TBL1X: variants seen among roughly 807,000 people sequenced by gnomAD.
TBL1X encodes transducin beta like 1 X-linked.
A neutral mutation model predicts 50.7 loss-of-function variants in TBL1X; 10 were observed. The ratio of observed to expected loss-of-function variants is 0.20; its 90% confidence interval spans 0.12 to 0.33. The LOEUF (loss-of-function observed/expected upper bound fraction) is 0.33. Among genes scored for constraint, TBL1X ranks in the 10% least tolerant of loss-of-function variants. The probability of loss-of-function intolerance (pLI) is 1.00; values close to 1 mark genes in which losing one functional copy is unlikely to be tolerated. For missense variants in TBL1X, 340 were observed against 504.4 expected (o/e 0.67, Z 3.12); for synonymous variants, 190 against 214.7 (o/e 0.88, Z 1.01).
intron 2 of TBL1X, among the ~76,000 whole-genome samples, chrX:9,550,745 G>T (rs191904064): frequency 1.8e-5 from 2 of 112,319 alleles, no homozygotes; most frequent in African/African-American, 3.2e-5. Flanking sequence ...CAAGGACTGC[G>T]TGTGCTTTAA....
intron 2 of TBL1X, among the ~76,000 whole-genome samples, chrX:9,530,609 CCT>C (rs1341547415): frequency 1.8e-5 from 2 of 111,879 alleles, no homozygotes; most frequent in African/African-American, 6.5e-5. Context: ...TTTCCTTTTT[CCT>C]CTCTACTTCC....
At chrX:9,483,297 T>C (rs1385791057) in intron 1 of TBL1X, among the ~76,000 whole-genome samples, 2 of 112,515 alleles carry the variant, frequency 1.8e-5, no homozygotes, top group Non-Finnish European at 3.8e-5. Context: ...AAGCATCTTT[T>C]AGTTTTCATA....
chrX:9,603,705 G>A (rs955227911), intron 2 of TBL1X, among the ~76,000 whole-genome samples: 2 of 111,643 alleles, frequency 1.8e-5, no homozygotes, highest in Non-Finnish European at 3.8e-5. Flanking sequence ...CTGTAGCAAC[G>A]TGCCACCAAC....
intron 2 of TBL1X, among the ~76,000 whole-genome samples, chrX:9,553,290 G>A (rs1051000616): frequency 8.9e-6 from 1 of 112,139 alleles, no homozygotes; most frequent in Admixed American, 9.4e-5. Flanking sequence ...GGGCGCAGAG[G>A]CCCCAGTGAT....
chrX:9,554,754 T>A (rs2082287326), intron 2 of TBL1X, among the ~76,000 whole-genome samples: 1 of 112,342 alleles, frequency 8.9e-6, no homozygotes, highest in Non-Finnish European at 1.9e-5. Context: ...TACTGAGATA[T>A]AATTTACATA....
intron 2 of TBL1X, among the ~76,000 whole-genome samples, chrX:9,521,000 A>C (rs1438515135): frequency 9.0e-6 from 1 of 111,307 alleles, no homozygotes; most frequent in Admixed American, 9.5e-5. Flanking sequence ...CGGGAGGCTG[A>C]GGTGGGAGGA....
At chrX:9,710,146 G>GA (rs1159298186) in intron 15 of TBL1X, among the ~76,000 whole-genome samples, 1 of 59,885 alleles carries the variant, frequency 1.7e-5, no homozygotes, top group Non-Finnish European at 3.1e-5. Flanking sequence ...GAGCCCAGGA[G>GA]ATTGAGGCTG....
chrX:9,475,875 T>C (rs1242254310), intron 1 of TBL1X, among the ~76,000 whole-genome samples: 1 of 112,033 alleles, frequency 8.9e-6, no homozygotes, highest in Non-Finnish European at 1.9e-5. Context: ...TTTGTGAATA[T>C]TGAATTCGCA....
Sources: gnomAD v4.1 joint callset for allele counts (sites outside exome capture counted in the v4.1 genomes callset) on GRCh38, gnomAD v4.1.1 for gene constraint, MANE v1.5 for transcripts, NCBI Gene and HGNC (gene_info 2026-07-23, HGNC 2026-07-21) for gene names.